The following MAST2 variants were observed in gnomAD, a reference collection of about 807,000 sequenced individuals.
The protein encoded by MAST2 is microtubule associated serine/threonine kinase 2.
MAST2 carries 70 observed loss-of-function variants against 147.4 expected under a neutral mutation model. That is an observed-to-expected ratio of 0.47 (90% CI 0.39 to 0.58). The LOEUF (loss-of-function observed/expected upper bound fraction) is 0.58, where lower values mean the gene tolerates loss of function less well. Ranked by LOEUF, MAST2 falls within the 20% of genes least tolerant of loss-of-function variation. The pLI, the probability that MAST2 is intolerant of heterozygous loss-of-function variation, is 0.00. For missense variants in MAST2, 2,080 were observed against 2,302.3 expected (o/e 0.90, Z 1.98); for synonymous variants, 869 against 896.8 (o/e 0.97, Z 0.55).
intron 1 of MAST2, among the ~76,000 whole-genome samples, chr1:45,810,258 T>C (rs901331499): frequency 3.3e-5 from 5 of 152,214 alleles, no homozygotes; most frequent in African/African-American, 4.8e-5. Flanking sequence ...AGTTCAACTT[T>C]AGTTCCTAAA....
rs145408731 is a variant in MAST2, at chr1:45,825,835, G to A, written c.325+1255G>A. On this transcript the variant is annotated intron_variant, in intron 2 of 28. Transcript: ENST00000361297. The stretch of plus-strand genomic sequence containing the variant: ...CTCACGCCCGTAATCACAGCACTTT[G>A]GGAGACCAAGGCAGGCAGATCACCT... Among the ~76,000 whole-genome samples, 1,147 of 152,088 alleles carry A rather than the reference G, an allele frequency of 7.5e-3. 15 individuals are homozygous for A. Among genetic ancestry groups the A allele is most frequent in the African/African-American group, 0.026 (1,095 of 41,504 alleles).
chr1:45,878,109 C>T (rs545526926), intron 3 of MAST2, among the ~76,000 whole-genome samples: 2 of 149,204 alleles, frequency 1.3e-5, no homozygotes, highest in East Asian at 2.0e-4. Flanking sequence ...GAGGCTGAGG[C>T]AGGAAAATCA....
intron 4 of MAST2, among the ~76,000 whole-genome samples, chr1:45,903,168 T>C (rs547319154): frequency 1.3e-4 from 17 of 134,738 alleles, no homozygotes; most frequent in African/African-American, 4.8e-4. Context: ...TCTCACTCTG[T>C]CGCCCAGGCT....
intron 4 of MAST2, among the ~76,000 whole-genome samples, chr1:45,932,838 A>G (rs1004395486): frequency 3.9e-5 from 6 of 152,070 alleles, no homozygotes; most frequent in African/African-American, 1.4e-4. Flanking sequence ...TGTCTCTGTC[A>G]TTCTTTGAGA....
At chr1:45,990,114 G>A (rs1289743423) in intron 5 of MAST2, among the ~76,000 whole-genome samples, 1 of 152,200 alleles carries the variant, frequency 6.6e-6, no homozygotes, top group African/African-American at 2.4e-5. Flanking sequence ...GCTGGATTGT[G>A]TGGGAAGACT....
intron 3 of MAST2, among the ~76,000 whole-genome samples, chr1:45,843,731 T>C (rs1329339288): frequency 6.6e-6 from 1 of 152,246 alleles, no homozygotes; most frequent in African/African-American, 2.4e-5. Flanking sequence ...TGAGAATTGC[T>C]GTCCTTTTCA....
At chr1:45,981,297 C>A (rs946410992) in intron 5 of MAST2, among the ~76,000 whole-genome samples, 1 of 152,116 alleles carries the variant, frequency 6.6e-6, no homozygotes, top group Non-Finnish European at 1.5e-5. Flanking sequence ...GTCTCAAACT[C>A]CTGACCTCAG....
chr1:45,860,179 A>C (rs1362308208), intron 3 of MAST2, among the ~76,000 whole-genome samples: 1 of 147,512 alleles, frequency 6.8e-6, no homozygotes, highest in Non-Finnish European at 1.5e-5. Context: ...CCAACATGGT[A>C]AACCCCTGTC....
chr1:45,813,791 G>A (rs1287466094), intron 1 of MAST2, among the ~76,000 whole-genome samples: 2 of 151,950 alleles, frequency 1.3e-5, no homozygotes, highest in East Asian at 3.9e-4. Context: ...GAACCACTGC[G>A]CCTGGCCAGA....
At chr1:46,034,406 T>C (rs755079458) in intron 28 of MAST2, 132 bp from the exon 29 acceptor site, 12 of 1,329,028 alleles carry the variant, frequency 9.0e-6, no homozygotes, top group Non-Finnish European at 1.2e-5. Flanking sequence ...TGGGGAGGAA[T>C]TAATTGATGG....
intron 3 of MAST2, among the ~76,000 whole-genome samples, chr1:45,849,451 A>G (rs1324597807): frequency 2.0e-5 from 3 of 152,206 alleles, no homozygotes; most frequent in African/African-American, 7.2e-5. Context: ...GATCTGTGAC[A>G]AAACTGACAA....
intron 1 of MAST2, among the ~76,000 whole-genome samples, chr1:45,810,810 C>CAAA (rs909997197): frequency 2.8e-5 from 1 of 35,566 alleles, no homozygotes; most frequent in Non-Finnish European, 5.8e-5. Context: ...GACTCCATCT[C>CAAA]AAAAAAAAAA....
chr1:45,824,478 A>G lies in MAST2; in HGVS notation c.223A>G (p.Asn75Asp). ...TCCCCTGCTCTTCAGGAAACTCAGTAATCCTGACATATTTTCATCCACTGG... is the reference window on the plus strand; with the variant it reads ...TCCCCTGCTCTTCAGGAAACTCAGTGATCCTGACATATTTTCATCCACTGG... ...VSPLLFRKLS[N>D]PDIFSSTGKV... is the part of the protein sequence containing the mutation. The change falls in exon 2 of 29, where the codon AAT becomes GAT. Residue 75 changes from asparagine (N) to aspartate (D), a missense_variant. Physicochemically the swap from Asn to Asp is conservative, Grantham distance 23. Transcript: ENST00000361297. 6.2e-7 allele frequency: 1 copy of G among 1,612,332 alleles called. No individual in the cohort carries two copies. The highest frequency in any genetic ancestry group is 8.5e-7 in the Non-Finnish European group (1 of 1,178,886).
intron 3 of MAST2, among the ~76,000 whole-genome samples, chr1:45,845,837 T>C (rs1645414216): frequency 6.6e-6 from 1 of 152,240 alleles, no homozygotes; most frequent in African/African-American, 2.4e-5. Context: ...CTCGGCTCAC[T>C]GCAAGCTCTG....
rs1206141601 is a variant in MAST2, at chr1:45,842,513, T to G, written c.468+12932T>G. On this transcript the variant is annotated intron_variant, in intron 3 of 28. Transcript: ENST00000361297. ...GCAATCTGCATTTTGTCTCTATGGA[T>G]TTCTCTATTCTGGATATTTTATATA... 2.0e-5 allele frequency among the ~76,000 whole-genome samples: 3 copies of G among 152,210 alleles called. No individual in the cohort carries two copies. In the East Asian group the frequency reaches 5.8e-4, roughly 29 times the overall value.
chr1:46,017,630 A>AG (rs1646011313), intron 10 of MAST2, among the ~76,000 whole-genome samples: 1 of 152,022 alleles, frequency 6.6e-6, no homozygotes, highest in Non-Finnish European at 1.5e-5. Context: ...ACCATCTCAC[A>AG]CCAGTTAGAA....
intron 10 of MAST2, among the ~76,000 whole-genome samples, chr1:46,015,313 A>G (rs1406487158): frequency 1.3e-5 from 2 of 152,230 alleles, no homozygotes; most frequent in Non-Finnish European, 2.9e-5. Context: ...AAGGCAAGAA[A>G]TAACTAAAAT....
chr1:45,921,540 C>T (rs955853807), intron 4 of MAST2, among the ~76,000 whole-genome samples: 3 of 152,146 alleles, frequency 2.0e-5, no homozygotes, highest in African/African-American at 4.8e-5. Context: ...GGCCACTGCA[C>T]GCAGTCAGGC....
intron 4 of MAST2, among the ~76,000 whole-genome samples, chr1:45,958,622 A>G (rs922427881): frequency 1.3e-5 from 2 of 148,884 alleles, no homozygotes; most frequent in Non-Finnish European, 3.0e-5. Flanking sequence ...CACTCCAGTT[A>G]TGAGGATAGA....
Sources: gnomAD v4.1 joint callset for allele counts (sites outside exome capture counted in the v4.1 genomes callset) on GRCh38, gnomAD v4.1.1 for gene constraint, MANE v1.5 for transcripts, NCBI Gene and HGNC (gene_info 2026-07-23, HGNC 2026-07-21) for gene names.